Variants in FBXO30 observed in about 807,000 individuals in gnomAD.
FBXO30 encodes the protein F-box only protein 30.
Under a neutral mutation model 58.1 loss-of-function variants are expected in FBXO30, and 21 were observed. The observed-to-expected ratio is 0.36, with a 90% confidence interval of 0.26 to 0.52. FBXO30 has a LOEUF of 0.52. FBXO30 is among the 20% of genes least tolerant of loss of function. The probability of loss-of-function intolerance (pLI) is 0.93; values close to 1 mark genes in which losing one functional copy is unlikely to be tolerated. For synonymous variants in FBXO30, 309 were observed against 312.4 expected, an observed-to-expected ratio of 0.99 and a Z score of 0.11; for missense variants, 744 against 897.3, an observed-to-expected ratio of 0.83 and a Z score of 2.18.
rs1777934114 is a variant in FBXO30 at position 145,799,522 on chromosome 6, CTT to C, written c.*582_*583del. The C allele has an allele frequency of 6.6e-6, 1 of 152,560 alleles. No individual in the cohort carries two copies. Among genetic ancestry groups the C allele is most frequent in the African/African-American group, 2.4e-5 (1 of 41,534 alleles). The allele number at this position is 152,560 out of a possible 1,614,324, so 9.5% of individuals were successfully genotyped here. A position where few individuals can be genotyped will look rare whatever the true frequency, so the allele number is the denominator to read the frequency against. On this transcript the variant is annotated 3_prime_UTR_variant, in exon 3 of 3. Coordinates refer to ENST00000237281, the MANE Select transcript of FBXO30 (RefSeq NM_032145.5). The stretch of plus-strand genomic sequence containing the variant: ...TTGTAAGTATGTGAGATAAAAACAT[CTT>C]TGTGGATTATTTTTAAAACGATAAA...
chr6:145,801,864 T>C (rs755551035), intron 2 of FBXO30, among the ~76,000 whole-genome samples: 6 of 152,104 alleles, frequency 3.9e-5, no homozygotes, highest in Non-Finnish European at 7.4e-5. Flanking sequence ...AAAGATTCAA[T>C]GGAGACAGGC....
At position 145,814,794 on chromosome 6, in the gene FBXO30, G is replaced by GCGCCC. The variant is rs906497226; in HGVS notation, c.-209_-208insGGGCG. 7.9e-5 allele frequency: 12 copies of GCGCCC among 152,112 alleles called. No homozygotes were observed. The highest frequency in any genetic ancestry group is 5.8e-4 in the East Asian group (3 of 5,146). The allele number at this position is 152,112 out of a possible 1,614,324, so 9.4% of individuals were successfully genotyped here. A position where few individuals can be genotyped will look rare whatever the true frequency, so the allele number is the denominator to read the frequency against. ...CTCCAGAGGCAGCCACCCTCCTCGC[G>GCGCCC]CGCCCCGCCCCGCTGCGCCCCGCCC... On this transcript the variant is annotated 5_prime_UTR_variant, in exon 1 of 3. Transcript: ENST00000237281.
chr6:145,812,934 T>C (rs1338646992), intron 1 of FBXO30, among the ~76,000 whole-genome samples: 1 of 152,174 alleles, frequency 6.6e-6, no homozygotes, highest in Non-Finnish European at 1.5e-5. Flanking sequence ...ACAATGACAT[T>C]CCATAATATG....
intron 1 of FBXO30, among the ~76,000 whole-genome samples, chr6:145,811,377 A>G (rs1001571793): frequency 2.6e-5 from 4 of 152,224 alleles, no homozygotes; most frequent in Non-Finnish European, 4.4e-5. Flanking sequence ...CACATAAGTA[A>G]TATGTTCCAG....
intron 1 of FBXO30, among the ~76,000 whole-genome samples, chr6:145,808,102 C>G (rs1209813506): frequency 2.0e-5 from 3 of 152,058 alleles, no homozygotes; most frequent in Admixed American, 2.0e-4. Context: ...CCCCTGCATT[C>G]CAGCCTGGGT....
rs1469382575 is a variant in FBXO30, at chr6:145,805,833, T to C, written c.573A>G (p.Arg191=). 15 of 1,614,084 alleles carry C rather than the reference T, an allele frequency of 9.3e-6. No homozygotes were observed. Among genetic ancestry groups the C allele is most frequent in the Middle Eastern group, 3.3e-4 (2 of 6,062 alleles). Residue 191 remains arginine, a synonymous_variant, in exon 2 of 3, where the codon AGA becomes AGG. Coordinates refer to ENST00000237281, the MANE Select transcript of FBXO30 (RefSeq NM_032145.5). ...ALYQATVETT[R]SLAAALDILN... ...GGATATCCAAAGCAGCAGCCAAACT[T>C]CTGGTTGTTTCTACAGTAGCTTGAT...
intron 1 of FBXO30, among the ~76,000 whole-genome samples, chr6:145,811,737 C>A (rs576356001): frequency 2.6e-5 from 4 of 152,306 alleles, no homozygotes; most frequent in African/African-American, 9.6e-5. Flanking sequence ...ATAAAATATA[C>A]TTAAAACAGT....
chr6:145,804,598 T>C lies in FBXO30; in HGVS notation c.1808A>G (p.Asn603Ser). Residue 603 changes from asparagine (N) to serine (S), a missense_variant, in exon 2 of 3, where the codon AAC (asparagine) becomes AGC (serine). By Grantham distance (46) the Asn-to-Ser change is conservative. Transcript: ENST00000237281. ...VSTVLVEPAR[N>S]CVLGLHNDHL... ...GTCATTATGTAATCCCAACACACAG[T>C]TTCTAGCAGGCTCCACTAATACTGT... 6.2e-7 allele frequency: 1 copy of C among 1,613,658 alleles called. No individual in the cohort carries two copies. The highest frequency in any genetic ancestry group is 1.3e-5 in the African/African-American group (1 of 74,946).
intron 1 of FBXO30, among the ~76,000 whole-genome samples, chr6:145,808,322 T>TCTCC (rs1296910375): frequency 6.6e-6 from 1 of 152,072 alleles, no homozygotes; most frequent in African/African-American, 2.4e-5. Context: ...ACTGCTCTGC[T>TCTCC]GAGAACCTCA....
intron 2 of FBXO30, among the ~76,000 whole-genome samples, chr6:145,803,918 C>T (rs1418207937): frequency 6.6e-6 from 1 of 152,148 alleles, no homozygotes. Flanking sequence ...TTATTCTCAT[C>T]TCTTGCTATT....
In FBXO30 at chr6:145,804,648, T is replaced by C. The variant is rs1230319525; in HGVS notation, c.1758A>G (p.Ser586=). ...TAGATACACATGGCTGAACTCCAAA[T>C]GACCTCAAATGGCGGTCATGTATAA... The part of the protein sequence containing the change: ...AKIIHDRHLR[S]FGVQPCVSTV... Residue 586 remains serine, a synonymous_variant, in exon 2 of 3, where the codon TCA becomes TCG. Coordinates refer to ENST00000237281, the MANE Select transcript of FBXO30 (RefSeq NM_032145.5). The C allele has an allele frequency of 1.2e-6, 2 of 1,613,906 alleles. No individual in the cohort carries two copies. Among genetic ancestry groups the C allele is most frequent in the Non-Finnish European group, 1.7e-6 (2 of 1,179,896 alleles).
In FBXO30 at chr6:145,798,592, TCTA is replaced by T. The variant is rs1226193196; in HGVS notation, c.*1511_*1513del. The T allele has an allele frequency of 6.6e-6, 1 of 152,464 alleles. No individual in the cohort carries two copies. The highest frequency in any genetic ancestry group is 1.5e-5 in the Non-Finnish European group (1 of 67,938). The allele number at this position is 152,464 out of a possible 1,614,324, so 9.4% of individuals were successfully genotyped here. A position where few individuals can be genotyped will look rare whatever the true frequency, so the allele number is the denominator to read the frequency against. On this transcript the variant is annotated 3_prime_UTR_variant, in exon 3 of 3. Transcript: ENST00000237281. ...ATTTTAAGCACTGAGAAATAAGTAT[TCTA>T]CTATTTAAAATGACTGGTGAGGCAA...
Position 145,810,391 on chromosome 6 carries a change from A to G in FBXO30, c.-16-3970T>C, listed in dbSNP as rs1778300039. On this transcript the variant is annotated intron_variant, in intron 1 of 2. Coordinates refer to ENST00000237281, the MANE Select transcript of FBXO30 (RefSeq NM_032145.5). The stretch of plus-strand genomic sequence containing the variant: ...ACATGCCTTTATAAAGTATTTTGCA[A>G]TTGCTTGTAAATCCTGTAAAACAGG... Among the ~76,000 whole-genome samples, 4 of 152,208 alleles carry G rather than the reference A, an allele frequency of 2.6e-5. No homozygotes were observed. In the South Asian group the frequency reaches 8.3e-4, roughly 32 times the overall value.
rs1166789775 is a variant in FBXO30 at position 145,798,498 on chromosome 6, A to G, written c.*1608T>C. ...GCAGAGTTACATTTTATGGTATTTA[A>G]TATCTCTTTTCTGTTGTTTTTTCCA... On this transcript the variant is annotated 3_prime_UTR_variant, in exon 3 of 3. Coordinates refer to ENST00000237281, the MANE Select transcript of FBXO30 (RefSeq NM_032145.5). 6.6e-6 allele frequency: 1 copy of G among 152,498 alleles called. No homozygotes were observed. Among genetic ancestry groups the G allele is most frequent in the Non-Finnish European group, 1.5e-5 (1 of 67,938 alleles). The allele number at this position is 152,498 out of a possible 1,614,324, so 9.4% of individuals were successfully genotyped here.
At position 145,799,818 on chromosome 6, in the gene FBXO30, A is replaced by C. The variant is rs1777942106; in HGVS notation, c.*288T>G. ...TTTTTAGTTTAAGAAGCAAAAATTT[A>C]AGAACCAAAATATGCACACCACTGA... On this transcript the variant is annotated 3_prime_UTR_variant, in exon 3 of 3. Transcript: ENST00000237281. 5.5e-6 allele frequency: 1 copy of C among 181,692 alleles called. No homozygotes were observed. The highest frequency in any genetic ancestry group is 2.3e-5 in the African/African-American group (1 of 42,596). 11.3% of individuals were successfully genotyped at this position (181,692 alleles called of 1,614,324 possible).
rs911154649 is a variant in FBXO30, at chr6:145,796,407, G to A, written c.*3699C>T. 1.3e-4 allele frequency: 20 copies of A among 151,964 alleles called. No individual in the cohort carries two copies. Among genetic ancestry groups the A allele is most frequent in the African/African-American group, 4.8e-4 (20 of 41,504 alleles). 9.4% of individuals were successfully genotyped at this position (151,964 alleles called of 1,614,324 possible). ...AACAAGTCACTGATGAGTTGATAAA[G>A]GTATAACTAATATTCTCTGCTTCCT... is the stretch of plus-strand genomic sequence containing the variant. On this transcript the variant is annotated 3_prime_UTR_variant, in exon 3 of 3. Coordinates refer to ENST00000237281, the MANE Select transcript of FBXO30 (RefSeq NM_032145.5).
In FBXO30 at chr6:145,814,760, C is replaced by G. The variant is rs1383856376; in HGVS notation, c.-174G>C. The G allele has an allele frequency of 2.6e-5, 4 of 153,268 alleles. No individual in the cohort carries two copies. Among genetic ancestry groups the G allele is most frequent in the Non-Finnish European group, 5.8e-5 (4 of 68,992 alleles). 9.5% of individuals were successfully genotyped at this position (153,268 alleles called of 1,614,324 possible). The stretch of plus-strand genomic sequence containing the variant: ...GCCGGGCCGCCGCCTTTTCTCTTCT[C>G]CCGGCCTGCTCCAGAGGCAGCCACC... On this transcript the variant is annotated 5_prime_UTR_variant, in exon 1 of 3. Transcript: ENST00000237281.
In FBXO30 at chr6:145,793,768, G is replaced by A. The variant is rs1413220355; in HGVS notation, c.*6338C>T. 1 of 152,080 alleles carries A rather than the reference G, an allele frequency of 6.6e-6. No homozygotes were observed. The highest frequency in any genetic ancestry group is 1.9e-4 in the East Asian group (1 of 5,188). The allele number at this position is 152,080 out of a possible 1,614,324, so 9.4% of individuals were successfully genotyped here. A position where few individuals can be genotyped will look rare whatever the true frequency, so the allele number is the denominator to read the frequency against. ...GTTTTAAATATAAGGAAATTTTGAT[G>A]AATTACAGCTTTATTTCTGCTGCTG... On this transcript the variant is annotated 3_prime_UTR_variant, in exon 3 of 3. Coordinates refer to ENST00000237281, the MANE Select transcript of FBXO30 (RefSeq NM_032145.5).
chr6:145,804,570 A>C lies in FBXO30; in HGVS notation c.1836T>G (p.His612Gln). ...RNCVLGLHND[H>Q]LSSLPFEVLQ... ...GGACCTCAAAAGGAAGACTACTTAGATGGTCATTATGTAATCCCAACACAC... is the reference window on the plus strand; with the variant it reads ...GGACCTCAAAAGGAAGACTACTTAGCTGGTCATTATGTAATCCCAACACAC... The change falls in exon 2 of 3, where the codon CAT becomes CAG. Residue 612 changes from histidine (H) to glutamine (Q), a missense_variant. Physicochemically the swap from His to Gln is conservative, Grantham distance 24 (BLOSUM62 0). Coordinates refer to ENST00000237281, the MANE Select transcript of FBXO30 (RefSeq NM_032145.5). 6.2e-7 allele frequency: 1 copy of C among 1,613,742 alleles called. No homozygotes were observed. Among genetic ancestry groups the C allele is most frequent in the Non-Finnish European group, 8.5e-7 (1 of 1,179,832 alleles).
Sources: gnomAD v4.1 joint callset for allele counts (sites outside exome capture counted in the v4.1 genomes callset) on GRCh38, gnomAD v4.1.1 for gene constraint, MANE v1.5 for transcripts, NCBI Gene and HGNC (gene_info 2026-07-23, HGNC 2026-07-21) for gene names.